Variants in CSRNP3 observed in about 807,000 individuals in gnomAD.
CSRNP3 encodes the protein cysteine and serine rich nuclear protein 3.
A neutral mutation model predicts 48.0 loss-of-function variants in CSRNP3; 12 were observed. That is an observed-to-expected ratio of 0.25 (90% confidence interval 0.16 to 0.41). The LOEUF (loss-of-function observed/expected upper bound fraction) is 0.41. CSRNP3 is among the 10% of genes least tolerant of loss of function. The pLI, the probability that CSRNP3 is intolerant of heterozygous loss-of-function variation, is 1.00. For synonymous variants in CSRNP3, 263 were observed against 269.7 expected (o/e 0.98, Z 0.24); for missense variants, 580 against 724.4 (o/e 0.80, Z 2.29).
At chr2:165,520,152 G>A (rs114665361) in intron 3 of CSRNP3, among the ~76,000 whole-genome samples, 74 of 152,262 alleles carry the variant, frequency 4.9e-4, no homozygotes, top group African/African-American at 1.7e-3. Flanking sequence ...GTCTATCTAT[G>A]TGCATTTTTA....
intron 3 of CSRNP3, among the ~76,000 whole-genome samples, chr2:165,564,575 C>T (rs1338945054): frequency 6.6e-6 from 1 of 151,906 alleles, no homozygotes; most frequent in African/African-American, 2.4e-5. Context: ...TACTAGCACA[C>T]AATCCCTTAA....
chr2:165,588,373 A>G (rs1685664982), intron 3 of CSRNP3, among the ~76,000 whole-genome samples: 1 of 152,250 alleles, frequency 6.6e-6, no homozygotes, highest in African/African-American at 2.4e-5. Context: ...GTTTTAAGCC[A>G]TAGACTGACA....
chr2:165,656,838 C>T (rs905999965), intron 4 of CSRNP3, among the ~76,000 whole-genome samples: 8 of 152,034 alleles, frequency 5.3e-5, no homozygotes, highest in Admixed American at 3.9e-4. Flanking sequence ...AGGGTTTGTA[C>T]TATGTGTCTT....
intron 3 of CSRNP3, among the ~76,000 whole-genome samples, chr2:165,568,130 G>A (rs1266938505): frequency 7.9e-5 from 12 of 151,658 alleles, no homozygotes; most frequent in East Asian, 5.8e-4. Flanking sequence ...CTCTCTCACC[G>A]CCTTTATTTC....
intron 3 of CSRNP3, among the ~76,000 whole-genome samples, chr2:165,559,536 T>G (rs1685202950): frequency 6.6e-6 from 1 of 152,138 alleles, no homozygotes; most frequent in South Asian, 2.1e-4. Context: ...AATTTATTAA[T>G]AGACTTTATA....
intron 2 of CSRNP3, among the ~76,000 whole-genome samples, chr2:165,498,133 C>T (rs903154216): frequency 2.6e-5 from 4 of 151,978 alleles, no homozygotes; most frequent in African/African-American, 7.2e-5. Context: ...CCTTGTATGT[C>T]ACTGACATTG....
intron 1 of CSRNP3, among the ~76,000 whole-genome samples, chr2:165,486,045 C>T: frequency 6.6e-6 from 1 of 152,200 alleles, no homozygotes; most frequent in Non-Finnish European, 1.5e-5. Flanking sequence ...GGGTTCATCT[C>T]ACTAGGGAGT....
At chr2:165,645,316 A>T (rs1035092361) in intron 4 of CSRNP3, among the ~76,000 whole-genome samples, 2 of 152,148 alleles carry the variant, frequency 1.3e-5, no homozygotes, top group Non-Finnish European at 2.9e-5. Context: ...CCTGGGCGAC[A>T]GAGTGAGACT....
intron 3 of CSRNP3, among the ~76,000 whole-genome samples, chr2:165,540,070 T>A (rs1357064507): frequency 6.6e-6 from 1 of 152,056 alleles, no homozygotes; most frequent in African/African-American, 2.4e-5. Flanking sequence ...GTGACAAGAC[T>A]CTCCAGCCCA....
At chr2:165,652,770 C>T (rs1416879163) in intron 4 of CSRNP3, among the ~76,000 whole-genome samples, 1 of 152,088 alleles carries the variant, frequency 6.6e-6, no homozygotes, top group Non-Finnish European at 1.5e-5. Context: ...TCTCGAACTC[C>T]TGAGCTCAAG....
Position 165,494,055 on chromosome 2 carries a change from C to T in CSRNP3, c.-282-704C>T, listed in dbSNP as rs534114874. Among the ~76,000 whole-genome samples, 4 of 152,178 alleles carry T rather than the reference C, an allele frequency of 2.6e-5. No homozygotes were observed. In the East Asian group the frequency reaches 7.7e-4, roughly 29 times the overall value. ...TCAGGCTACATATGACTGGCTTTCA[C>T]TGACCATGTTAATACAGAGAGTGAA... On this transcript the variant is annotated intron_variant, in intron 1 of 6. Coordinates refer to ENST00000651982, the MANE Select transcript of CSRNP3 (RefSeq NM_001172173.2).
At position 165,679,860 on chromosome 2, in the gene CSRNP3, C is replaced by T. The variant is rs1168806478; in HGVS notation, c.*107C>T. ...AAACTGAAGACCAAGAAAACTTGGA[C>T]GGTGGTTAATCTTCCAGACTGTATT... On this transcript the variant is annotated 3_prime_UTR_variant, in exon 7 of 7. Transcript: ENST00000651982. 63 of 1,457,090 alleles carry T rather than the reference C, an allele frequency of 4.3e-5. No individual in the cohort carries two copies. Among genetic ancestry groups the T allele is most frequent in the Non-Finnish European group, 5.2e-5 (57 of 1,088,300 alleles). The allele number at this position is 1,457,090 out of a possible 1,614,324, so 90.3% of individuals were successfully genotyped here.
chr2:165,597,001 G>T (rs566320365), intron 4 of CSRNP3, among the ~76,000 whole-genome samples: 1 of 152,108 alleles, frequency 6.6e-6, no homozygotes, highest in Non-Finnish European at 1.5e-5. Flanking sequence ...GAGGCTAAGC[G>T]TCTGGCAAAA....
intron 5 of CSRNP3, among the ~76,000 whole-genome samples, chr2:165,674,681 A>AATATATAT (rs59117817): frequency 0.023 from 2,380 of 102,996 alleles, 64 homozygotes; most frequent in African/African-American, 0.052. Flanking sequence ...AATACTTCTG[A>AATATATAT]ATATATATAT....
intron 5 of CSRNP3, among the ~76,000 whole-genome samples, chr2:165,669,126 A>C (rs1319781956): frequency 6.6e-6 from 1 of 152,180 alleles, no homozygotes; most frequent in Non-Finnish European, 1.5e-5. Context: ...TCCTTATTAT[A>C]ATATGCAGTA....
chr2:165,607,851 T>G (rs1184688692), intron 4 of CSRNP3, among the ~76,000 whole-genome samples: 1 of 152,132 alleles, frequency 6.6e-6, no homozygotes, highest in Non-Finnish European at 1.5e-5. Flanking sequence ...CAGTTTACTC[T>G]GACTTTGGTT....
intron 3 of CSRNP3, among the ~76,000 whole-genome samples, chr2:165,548,274 G>T (rs190664807): frequency 3.9e-5 from 6 of 151,978 alleles, no homozygotes; most frequent in Non-Finnish European, 5.9e-5. Flanking sequence ...GTCTTAACAT[G>T]ATTGGATTCC....
intron 4 of CSRNP3, among the ~76,000 whole-genome samples, chr2:165,601,469 A>G (rs1389694316): frequency 3.3e-5 from 5 of 152,202 alleles, no homozygotes; most frequent in African/African-American, 4.8e-5. Context: ...GTCCTACAAT[A>G]GAATTAAGAT....
intron 4 of CSRNP3, among the ~76,000 whole-genome samples, chr2:165,606,074 T>C (rs550976580): frequency 4.6e-5 from 7 of 151,984 alleles, no homozygotes; most frequent in African/African-American, 1.7e-4. Context: ...TCATGCCATA[T>C]ATGAAAATAA....
Sources: allele counts gnomAD v4.1 joint callset (sites outside exome capture counted in the v4.1 genomes callset), GRCh38; gene constraint gnomAD v4.1.1; transcripts MANE v1.5; gene names NCBI Gene and HGNC (gene_info 2026-07-23, HGNC 2026-07-21).